Variants in MTR observed in about 807,000 individuals in gnomAD.
MTR encodes methionine synthase.
In MTR, 84 loss-of-function variants were observed where a neutral mutation model predicts 154.8. That is an observed-to-expected ratio of 0.54 (90% CI 0.45 to 0.65). The LOEUF (loss-of-function observed/expected upper bound fraction) is 0.65, where lower values mean the gene tolerates loss of function less well. Ranked by LOEUF, MTR falls within the 30% of genes least tolerant of loss-of-function variation. MTR has a pLI of 0.00. For synonymous variants in MTR, 554 were observed against 553.9 expected (o/e 1.00, Z 0.00); for missense variants, 1,275 against 1,570.2 (o/e 0.81, Z 3.18).
At chr1:236,823,182 AAG>A (rs1329113485) in intron 8 of MTR, among the ~76,000 whole-genome samples, 2 of 152,232 alleles carry the variant, frequency 1.3e-5, no homozygotes, top group Non-Finnish European at 2.9e-5. Context: ...TGTAAAAACT[AAG>A]AGTATATTAC....
Position 236,897,936 on chromosome 1 carries a change from A to G in MTR, c.*292A>G. The G allele has an allele frequency of 2.8e-6, 1 of 359,882 alleles. No individual in the cohort carries two copies. The highest frequency in any genetic ancestry group is 4.5e-5 in the Admixed American group (1 of 22,382). 22.3% of individuals were successfully genotyped at this position (359,882 alleles called of 1,614,324 possible). On this transcript the variant is annotated 3_prime_UTR_variant, in exon 33 of 33. Transcript: ENST00000366577. ...ACAGACTGAAGACAGAGGTCGTTTG[A>G]TTTCAAAGCAAGTCAACCTGCTTTT...
At chr1:236,818,164 T>C (rs996793604) in intron 8 of MTR, among the ~76,000 whole-genome samples, 1 of 152,232 alleles carries the variant, frequency 6.6e-6, no homozygotes, top group Admixed American at 6.5e-5. Context: ...GGATATATGT[T>C]ACTCATGATG....
chr1:236,826,447 C>T (rs1296722751), intron 10 of MTR, among the ~76,000 whole-genome samples: 1 of 152,084 alleles, frequency 6.6e-6, no homozygotes, highest in Non-Finnish European at 1.5e-5. Flanking sequence ...AAACACATGC[C>T]ACCATGCCCA....
intron 7 of MTR, 70 bp from the exon 8 acceptor site, chr1:236,816,379 T>G: frequency 7.6e-7 from 1 of 1,322,086 alleles, no homozygotes; most frequent in Non-Finnish European, 1.1e-6. Flanking sequence ...GTGTTCATTT[T>G]ATTTTGCCTT....
chr1:236,840,785 T>C (rs1239583426), intron 15 of MTR, among the ~76,000 whole-genome samples: 1 of 152,200 alleles, frequency 6.6e-6, no homozygotes, highest in Non-Finnish European at 1.5e-5. Flanking sequence ...TGTTTCTAAT[T>C]TTTTAGTAGC....
chr1:236,844,833 T>A (rs1451521363), intron 15 of MTR, among the ~76,000 whole-genome samples: 1 of 152,118 alleles, frequency 6.6e-6, no homozygotes, highest in African/African-American at 2.4e-5. Context: ...GCCTTAGGGA[T>A]CTGTGGTGCT....
At chr1:236,800,570 T>G in intron 1 of MTR, 12 of 809,202 alleles carry the variant, frequency 1.5e-5, no homozygotes, top group Non-Finnish European at 1.8e-5. Flanking sequence ...TTCACTCGAC[T>G]GTTAGAAGAC....
At chr1:236,897,191 G>A (rs1666671839) in intron 32 of MTR, 73 bp downstream of exon 32, 3 of 1,152,578 alleles carry the variant, frequency 2.6e-6, no homozygotes, top group East Asian at 2.3e-5. Flanking sequence ...CATTTTAAAT[G>A]TGAATGAGAA....
At chr1:236,835,877 G>T (rs984565983) in intron 14 of MTR, among the ~76,000 whole-genome samples, 190 bp downstream of exon 14, 3 of 152,102 alleles carry the variant, frequency 2.0e-5, no homozygotes, top group Non-Finnish European at 4.4e-5. Flanking sequence ...AGCAGATCTT[G>T]GAGACAGCTG....
rs183544281 is a variant in MTR, at chr1:236,903,500, A to G, written c.*5856A>G. The G allele has an allele frequency of 7.2e-4, 109 of 152,288 alleles. No individual in the cohort carries two copies. The highest frequency in any genetic ancestry group is 2.2e-3 in the African/African-American group (91 of 41,584). The allele number at this position is 152,288 out of a possible 1,614,324, so 9.4% of individuals were successfully genotyped here. On this transcript the variant is annotated 3_prime_UTR_variant, in exon 33 of 33. Coordinates refer to ENST00000366577, the MANE Select transcript of MTR (RefSeq NM_000254.3). Reference sequence around the variant, plus strand: ...TTTGCCTCATCCCTTGCTTTTAAGTATTATTATAGACTTTTGGAGACTCAC... The same window carrying G: ...TTTGCCTCATCCCTTGCTTTTAAGTGTTATTATAGACTTTTGGAGACTCAC...
intron 15 of MTR, among the ~76,000 whole-genome samples, chr1:236,849,580 C>T (rs1315496962): frequency 1.3e-5 from 2 of 151,938 alleles, no homozygotes; most frequent in South Asian, 2.1e-4. Flanking sequence ...ACAAGCTTGA[C>T]GGGTTTCAAA....
chr1:236,801,568 A>G (rs569006403), intron 1 of MTR, among the ~76,000 whole-genome samples: 4 of 152,274 alleles, frequency 2.6e-5, no homozygotes, highest in African/African-American at 9.6e-5. Flanking sequence ...TTGGGTTTTA[A>G]ATTATCTTTG....
intron 2 of MTR, among the ~76,000 whole-genome samples, chr1:236,805,481 T>A (rs1469522672): frequency 6.6e-6 from 1 of 151,814 alleles, no homozygotes; most frequent in Non-Finnish European, 1.5e-5. Context: ...TGCATTATCT[T>A]TTTGGTGTTG....
At chr1:236,897,476 G>A (rs750072095) in intron 32 of MTR, 82 bp from the exon 33 acceptor site, 233 of 1,303,574 alleles carry the variant, frequency 1.8e-4, no homozygotes, top group Non-Finnish European at 2.4e-4. Context: ...GGTACTTAAT[G>A]TTTCTTGGCA....
chr1:236,844,465 T>A (rs112028697), intron 15 of MTR, among the ~76,000 whole-genome samples: 19 of 20,670 alleles, frequency 9.2e-4, no homozygotes, highest in South Asian at 5.2e-3. Flanking sequence ...TGTGTGTGTG[T>A]GTGTGTGTGT....
chr1:236,824,319 G>A, intron 9 of MTR, 100 bp downstream of exon 9: 1 of 1,049,624 alleles, frequency 9.5e-7, no homozygotes, highest in Non-Finnish European at 1.5e-6. Flanking sequence ...TGTTTTGCCG[G>A]TGTTGGTATA....
rs1180089886 is a variant in MTR, at chr1:236,902,769, C to G, written c.*5125C>G. On this transcript the variant is annotated 3_prime_UTR_variant, in exon 33 of 33. Coordinates refer to ENST00000366577, the MANE Select transcript of MTR (RefSeq NM_000254.3). ...CTCTCTACACCCACCTTCAGTATTTCATATTAGATGCGGCCCAAGTGATAC... is the reference window on the plus strand; with the variant it reads ...CTCTCTACACCCACCTTCAGTATTTGATATTAGATGCGGCCCAAGTGATAC... 6.6e-6 allele frequency: 1 copy of G among 152,194 alleles called. No individual in the cohort carries two copies. The allele number at this position is 152,194 out of a possible 1,614,324, so 9.4% of individuals were successfully genotyped here. A position where few individuals can be genotyped will look rare whatever the true frequency, so the allele number is the denominator to read the frequency against.
intron 31 of MTR, 113 bp downstream of exon 31, chr1:236,895,663 A>C: frequency 1.8e-6 from 2 of 1,085,636 alleles, no homozygotes; most frequent in Non-Finnish European, 2.7e-6. Flanking sequence ...TTCTAATCAC[A>C]TTGTCCCTTA....
intron 12 of MTR, among the ~76,000 whole-genome samples, chr1:236,830,884 T>C (rs1441009874): frequency 1.3e-5 from 2 of 152,230 alleles, no homozygotes; most frequent in Admixed American, 1.3e-4. Context: ...ACCCAGTTTA[T>C]AGTCATTATT....
Sources: allele counts gnomAD v4.1 joint callset (sites outside exome capture counted in the v4.1 genomes callset), GRCh38; gene constraint gnomAD v4.1.1; transcripts MANE v1.5; gene names NCBI Gene and HGNC (gene_info 2026-07-23, HGNC 2026-07-21).